The following SLC36A1 variants were observed in gnomAD, a reference collection of about 807,000 sequenced individuals.
The protein encoded by SLC36A1 is proton-coupled amino acid transporter 1.
A neutral mutation model predicts 47.5 loss-of-function variants in SLC36A1; 30 were observed. The ratio of observed to expected loss-of-function variants is 0.63; its 90% CI spans 0.47 to 0.86. The LOEUF is 0.86. Among genes scored for constraint, SLC36A1 ranks in the 40% least tolerant of loss-of-function variants. The probability of loss-of-function intolerance (pLI) is 0.00; values close to 1 mark genes in which losing one functional copy is unlikely to be tolerated. For synonymous variants in SLC36A1, 255 were observed against 249.7 expected (o/e 1.02, Z -0.20); for missense variants, 517 against 606.0 (o/e 0.85, Z 1.54).
the SLC36A1 span, among the ~76,000 whole-genome samples, chr5:151,417,884 C>T: frequency 6.6e-6 from 1 of 152,248 alleles, no homozygotes; most frequent in African/African-American, 2.4e-5. Flanking sequence ...GGCAGCCCCT[C>T]TCATCACAGG....
intron 10 of SLC36A1, among the ~76,000 whole-genome samples, chr5:151,481,093 GACAGCA>G (rs1758734889): frequency 1.3e-5 from 2 of 152,280 alleles, no homozygotes; most frequent in Admixed American, 6.5e-5. Context: ...CCCTGCAGGA[GACAGCA>G]GTCTCTGATT....
chr5:151,416,947 C>A, the SLC36A1 span, among the ~76,000 whole-genome samples: 5 of 152,172 alleles, frequency 3.3e-5, no homozygotes, highest in African/African-American at 2.4e-5. Context: ...GCTCTTCCCC[C>A]CTTCGCTTAG....
chr5:151,405,984 C>A, the SLC36A1 span, among the ~76,000 whole-genome samples: 5 of 152,194 alleles, frequency 3.3e-5, no homozygotes, highest in African/African-American at 1.2e-4. Context: ...GGCTGTTACT[C>A]AACTGCATGC....
At chr5:151,486,996 C>T (rs982625605) in intron 10 of SLC36A1, among the ~76,000 whole-genome samples, 1 of 152,154 alleles carries the variant, frequency 6.6e-6, no homozygotes, top group Non-Finnish European at 1.5e-5. Flanking sequence ...GATTCAGGAG[C>T]AGTTAATATC....
the SLC36A1 span, among the ~76,000 whole-genome samples, chr5:151,411,265 A>T: frequency 6.9e-6 from 1 of 144,664 alleles, no homozygotes; most frequent in African/African-American, 2.5e-5. Context: ...CTCCCGATTT[A>T]TCTTATTTCT....
chr5:151,498,196 C>T, the SLC36A1 span, among the ~76,000 whole-genome samples: 27 of 152,238 alleles, frequency 1.8e-4, no homozygotes, highest in Non-Finnish European at 1.6e-4. Context: ...CCACCCACCT[C>T]GGCCTCCCAA....
At chr5:151,426,022 A>ACAT in the SLC36A1 span, among the ~76,000 whole-genome samples, 1 of 147,172 alleles carries the variant, frequency 6.8e-6, no homozygotes, top group African/African-American at 2.5e-5. Context: ...GTCCATACAC[A>ACAT]CATACTTTTC....
the SLC36A1 span, among the ~76,000 whole-genome samples, chr5:151,528,345 G>A: frequency 6.6e-6 from 1 of 152,098 alleles, no homozygotes; most frequent in Non-Finnish European, 1.5e-5. Context: ...ATTCACTCTT[G>A]CTAACAGCAT....
the SLC36A1 span, among the ~76,000 whole-genome samples, chr5:151,555,367 C>CTTTTTT: frequency 8.9e-5 from 11 of 123,106 alleles, no homozygotes; most frequent in African/African-American, 1.9e-4. Context: ...TAATATATTT[C>CTTTTTT]TTTTTTTTTT....
chr5:151,544,390 G>T, the SLC36A1 span: 1 of 1,614,164 alleles, frequency 6.2e-7, no homozygotes, highest in Non-Finnish European at 8.5e-7. Flanking sequence ...AGCTGTATCC[G>T]TGGCTCTGAC....
At chr5:151,515,053 G>A in the SLC36A1 span, among the ~76,000 whole-genome samples, 8 of 151,744 alleles carry the variant, frequency 5.3e-5, no homozygotes, top group South Asian at 2.1e-4. Context: ...TCCCTTTTCC[G>A]CAAAATTTCA....
In SLC36A1 at chr5:151,463,646, A is replaced by G. The variant is rs1282426720; in HGVS notation, c.234+3A>G. ...CGGTGAAAAATGCAGGCATCGTGGT[A>G]AGGGTCTGCATCAGTGGAGAGGAGT... On this transcript the variant is annotated splice_donor_region_variant and intron_variant, in intron 3 of 10. Transcript: ENST00000243389. 1.2e-6 allele frequency: 2 copies of G among 1,612,924 alleles called. No individual in the cohort carries two copies. Among genetic ancestry groups the G allele is most frequent in the Admixed American group, 1.7e-5 (1 of 60,024 alleles).
chr5:151,420,377 A>G, the SLC36A1 span, among the ~76,000 whole-genome samples: 6 of 152,188 alleles, frequency 3.9e-5, no homozygotes. Context: ...CCGAAGCCAC[A>G]CAGTGAGCTG....
chr5:151,545,392 G>C, the SLC36A1 span: 2 of 1,614,164 alleles, frequency 1.2e-6, no homozygotes, highest in African/African-American at 1.3e-5. Flanking sequence ...AGCTTCATCA[G>C]CATTGCCAGT....
chr5:151,494,209 T>C (rs763691626), downstream of SLC36A1, among the ~76,000 whole-genome samples: 1 of 152,188 alleles, frequency 6.6e-6, no homozygotes, highest in Non-Finnish European at 1.5e-5. Flanking sequence ...TCCTCATACT[T>C]TGCCCATTGC....
chr5:151,378,976 C>G, the SLC36A1 span, among the ~76,000 whole-genome samples: 24 of 152,342 alleles, frequency 1.6e-4, no homozygotes, highest in African/African-American at 5.8e-4. Context: ...GGCCTTTTCA[C>G]AGGAACAATA....
At chr5:151,498,202 C>T in the SLC36A1 span, among the ~76,000 whole-genome samples, 1 of 152,124 alleles carries the variant, frequency 6.6e-6, no homozygotes, top group Non-Finnish European at 1.5e-5. Flanking sequence ...ACCTCGGCCT[C>T]CCAAAGTGCT....
the SLC36A1 span, among the ~76,000 whole-genome samples, chr5:151,553,888 C>T: frequency 2.0e-5 from 3 of 152,208 alleles, no homozygotes; most frequent in South Asian, 2.1e-4. Flanking sequence ...ATTCACCTGC[C>T]AGATGAAATG....
chr5:151,508,727 A>G, the SLC36A1 span, among the ~76,000 whole-genome samples: 39 of 149,950 alleles, frequency 2.6e-4, no homozygotes, highest in South Asian at 8.1e-3. Flanking sequence ...AAAAAAAAGG[A>G]CTGGGGTCAT....
Sources: gnomAD v4.1 joint callset for allele counts (sites outside exome capture counted in the v4.1 genomes callset) on GRCh38, gnomAD v4.1.1 for gene constraint, MANE v1.5 for transcripts, NCBI Gene and HGNC (gene_info 2026-07-23, HGNC 2026-07-21) for gene names.